COL21A1: variants seen among roughly 807,000 people sequenced by gnomAD.
COL21A1 encodes collagen type XXI alpha 1 chain.
Under a neutral mutation model 137.9 loss-of-function variants are expected in COL21A1, and 149 were observed. The observed-to-expected ratio is 1.08, with a 90% CI of 0.95 to 1.24. COL21A1 has a LOEUF of 1.24. Ranked by LOEUF, COL21A1 falls within the 50% of genes most tolerant of loss-of-function variation. COL21A1 has a pLI of 0.00. For synonymous variants in COL21A1, 456 were observed against 391.5 expected (o/e 1.16, Z -1.95); for missense variants, 1,167 against 1,158.4 (o/e 1.01, Z -0.11).
chr6:56,113,405 C>G (rs1028345377), intron 16 of COL21A1, among the ~76,000 whole-genome samples: 1 of 152,170 alleles, frequency 6.6e-6, no homozygotes, highest in Non-Finnish European at 1.5e-5. Context: ...CAAGAGGCCC[C>G]CTTTCCAGGC....
chr6:56,375,895 G>A (rs2093998316), intron 1 of COL21A1, among the ~76,000 whole-genome samples: 1 of 152,182 alleles, frequency 6.6e-6, no homozygotes, highest in Non-Finnish European at 1.5e-5. Context: ...TCCAGGTATA[G>A]ATATCAAATA....
At chr6:56,290,743 A>G (rs4398743) in intron 1 of COL21A1, among the ~76,000 whole-genome samples, 130,956 of 151,854 alleles carry the variant, frequency 0.86, 56,541 homozygotes, top group East Asian at 0.91. Context: ...CTCGTGATCC[A>G]CCCGCCTCAG....
chr6:56,084,217 AAT>A (rs1554202797), intron 17 of COL21A1, among the ~76,000 whole-genome samples: 1 of 149,116 alleles, frequency 6.7e-6, no homozygotes, highest in South Asian at 2.1e-4. Context: ...ATGCAGAAAA[AAT>A]ATATATATAT....
In COL21A1 at chr6:56,154,393, G is replaced by T. The variant is rs192864247; in HGVS notation, c.1434+2494C>A. ...ACTAAGACATGTCTATAAAACTTCT[G>T]TCTCCCCCAGTCTTGCCCAGTACAG... On this transcript the variant is annotated intron_variant, in intron 10 of 29. Transcript: ENST00000244728. Among the ~76,000 whole-genome samples the T allele has an allele frequency of 3.0e-3, 464 of 152,190 alleles. 1 individual carries two copies. Among genetic ancestry groups the T allele is most frequent in the Middle Eastern group, 6.8e-3 (2 of 294 alleles).
intron 1 of COL21A1, among the ~76,000 whole-genome samples, chr6:56,340,742 G>A (rs1765448743): frequency 6.6e-6 from 1 of 152,120 alleles, no homozygotes; most frequent in Non-Finnish European, 1.5e-5. Flanking sequence ...TCTCACACTG[G>A]AGTCATTTGA....
chr6:56,328,907 C>T (rs771808529), intron 1 of COL21A1, among the ~76,000 whole-genome samples: 2 of 152,044 alleles, frequency 1.3e-5, no homozygotes, highest in East Asian at 3.9e-4. Flanking sequence ...CTAAATACTC[C>T]AGTAGCAGCA....
intron 1 of COL21A1, among the ~76,000 whole-genome samples, chr6:56,376,264 C>T (rs1169870575): frequency 6.6e-6 from 1 of 152,112 alleles, no homozygotes; most frequent in Non-Finnish European, 1.5e-5. Context: ...ACAAGTATAA[C>T]CTTTGGCATA....
chr6:56,179,365 T>G (rs937291874), intron 3 of COL21A1, among the ~76,000 whole-genome samples: 1 of 152,100 alleles, frequency 6.6e-6, no homozygotes, highest in Non-Finnish European at 1.5e-5. Context: ...GTAACTTATT[T>G]CTAAAAACCA....
intron 1 of COL21A1, among the ~76,000 whole-genome samples, chr6:56,370,175 G>T (rs981623865): frequency 1.3e-5 from 2 of 152,132 alleles, no homozygotes; most frequent in African/African-American, 4.8e-5. Flanking sequence ...CATGGAGTCT[G>T]ATCTCCAGGT....
At chr6:56,185,794 G>T (rs1244956685) in intron 1 of COL21A1, among the ~76,000 whole-genome samples, 1 of 152,118 alleles carries the variant, frequency 6.6e-6, no homozygotes, top group Admixed American at 6.5e-5. Flanking sequence ...TGTTAAAGAA[G>T]TTAAATTATT....
chr6:56,222,169 A>G (rs1780876175), intron 1 of COL21A1, among the ~76,000 whole-genome samples: 1 of 152,138 alleles, frequency 6.6e-6, no homozygotes, highest in African/African-American at 2.4e-5. Flanking sequence ...ACTACTCGGG[A>G]GGCTGAGGCA....
At position 56,189,444 on chromosome 6, in the gene COL21A1, AG is replaced by A. The variant is rs1228964594; in HGVS notation, c.-38-6789del. ...AAAAAGAATAAAAAGGAATGAATAA[AG>A]CCTCCAAGAAATATGGGAATATGTG... is the stretch of plus-strand genomic sequence containing the variant. On this transcript the variant is annotated intron_variant, in intron 1 of 29. Coordinates refer to ENST00000244728, the MANE Select transcript of COL21A1 (RefSeq NM_030820.4). Among the ~76,000 whole-genome samples the A allele has an allele frequency of 3.9e-5, 6 of 152,230 alleles. No individual in the cohort carries two copies. In the East Asian group the frequency reaches 1.2e-3, roughly 30 times the overall value.
At chr6:56,090,029 C>G (rs1451784030) in intron 17 of COL21A1, among the ~76,000 whole-genome samples, 1 of 152,164 alleles carries the variant, frequency 6.6e-6, no homozygotes, top group East Asian at 1.9e-4. Flanking sequence ...ATCATGATGT[C>G]AAGAGATCAA....
At chr6:56,290,792 G>T (rs9396191) in intron 1 of COL21A1, among the ~76,000 whole-genome samples, 1 of 152,048 alleles carries the variant, frequency 6.6e-6, no homozygotes, top group African/African-American at 2.4e-5. Context: ...GAGCCACCAC[G>T]CCCGGCCAGG....
chr6:56,320,630 A>G (rs1764843047), intron 1 of COL21A1, among the ~76,000 whole-genome samples: 2 of 151,836 alleles, frequency 1.3e-5, no homozygotes, highest in Admixed American at 1.3e-4. Flanking sequence ...CAACTCACCA[A>G]TCAGGGTCTG....
upstream of COL21A1, among the ~76,000 whole-genome samples, chr6:56,249,760 T>C (rs1327650238): frequency 6.6e-6 from 1 of 152,090 alleles, no homozygotes; most frequent in Non-Finnish European, 1.5e-5. Flanking sequence ...GGGAATGGGG[T>C]TTGCTTTGGG....
At chr6:56,157,057 T>A in intron 9 of COL21A1, 108 bp from the exon 10 acceptor site, 1 of 638,856 alleles carries the variant, frequency 1.6e-6, no homozygotes, top group Non-Finnish European at 2.5e-6. Flanking sequence ...GTTTTTTGTA[T>A]GTTAAAAACA....
intron 1 of COL21A1, among the ~76,000 whole-genome samples, chr6:56,201,959 A>G (rs573505546): frequency 5.9e-5 from 9 of 152,258 alleles, no homozygotes; most frequent in Admixed American, 4.6e-4. Flanking sequence ...GTTACTGAAT[A>G]TTATTTAATA....
intron 12 of COL21A1, chr6:56,126,353 T>C (rs889073497): frequency 2.5e-5 from 12 of 480,708 alleles, no homozygotes; most frequent in African/African-American, 2.2e-4. Flanking sequence ...GATAAGTATT[T>C]TGGAGCTAAG....
Sources: gnomAD v4.1 joint callset for allele counts (sites outside exome capture counted in the v4.1 genomes callset) on GRCh38, gnomAD v4.1.1 for gene constraint, MANE v1.5 for transcripts, NCBI Gene and HGNC (gene_info 2026-07-23, HGNC 2026-07-21) for gene names.